AMPH: variants seen among roughly 807,000 people sequenced by gnomAD.
AMPH encodes the protein amphiphysin, also known as amphiphysin (Stiff-Mann syndrome with breast cancer 128kD autoantigen).
AMPH carries 49 observed loss-of-function variants against 99.1 expected under a neutral mutation model. The observed-to-expected ratio is 0.49, with a 90% confidence interval of 0.39 to 0.63. The LOEUF is 0.63. Among genes scored for constraint, AMPH ranks in the 20% least tolerant of loss-of-function variants. The pLI is 0.00. For synonymous variants in AMPH, 314 were observed against 317.3 expected, an observed-to-expected ratio of 0.99 and a Z score of 0.11; for missense variants, 759 against 863.4, an observed-to-expected ratio of 0.88 and a Z score of 1.52.
chr7:38,602,933 C>T (rs1056462111), intron 1 of AMPH, among the ~76,000 whole-genome samples: 1 of 152,046 alleles, frequency 6.6e-6, no homozygotes, highest in Non-Finnish European at 1.5e-5. Flanking sequence ...AGTCAATATC[C>T]CGGCCCAATG....
intron 2 of AMPH, among the ~76,000 whole-genome samples, chr7:38,513,722 T>C (rs1477012870): frequency 1.3e-5 from 2 of 152,180 alleles, no homozygotes; most frequent in African/African-American, 4.8e-5. Context: ...GATAAAGATT[T>C]GTGTATAGGG....
chr7:38,490,911 C>T (rs1415334938), intron 5 of AMPH, 139 bp downstream of exon 5: 1 of 574,076 alleles, frequency 1.7e-6, no homozygotes, highest in Non-Finnish European at 3.1e-6. Context: ...ACATAAAAAT[C>T]CCACGCTTAA....
At chr7:38,422,346 G>T in intron 16 of AMPH, 75 bp downstream of exon 16, 2 of 1,248,594 alleles carry the variant, frequency 1.6e-6, no homozygotes, top group Non-Finnish European at 2.3e-6. Context: ...ACTCTAGACA[G>T]CCTAGAATGA....
At position 38,513,117 on chromosome 7, in the gene AMPH, G is replaced by A. The variant is rs1010762973; in HGVS notation, c.151-9413C>T. On this transcript the variant is annotated intron_variant, in intron 2 of 20. Transcript: ENST00000356264. ...GTCAATTTTATTGGCAATCATAGCC[G>A]TTTATACTTATATTTTAAAAACTTT... Among the ~76,000 whole-genome samples, 14 of 152,246 alleles carry A rather than the reference G, an allele frequency of 9.2e-5. No homozygotes were observed. The East Asian group carries it at 1.2e-3, about 13-fold the overall frequency.
chr7:38,548,597 C>T (rs1280480060), intron 1 of AMPH, among the ~76,000 whole-genome samples: 1 of 151,982 alleles, frequency 6.6e-6, no homozygotes, highest in East Asian at 1.9e-4. Context: ...TATGAACACA[C>T]AAGGAGTGAG....
intron 1 of AMPH, among the ~76,000 whole-genome samples, chr7:38,549,222 A>G (rs1174890963): frequency 6.6e-6 from 1 of 152,244 alleles, no homozygotes; most frequent in Non-Finnish European, 1.5e-5. Context: ...AATGACTGCA[A>G]GACTTATCAC....
At chr7:38,398,188 A>C (rs576478921) in intron 17 of AMPH, among the ~76,000 whole-genome samples, 2 of 150,730 alleles carry the variant, frequency 1.3e-5, no homozygotes, top group South Asian at 4.2e-4. Flanking sequence ...TACTCAAAAA[A>C]AAAAAAACAA....
At chr7:38,449,282 C>T (rs534729426) in intron 11 of AMPH, among the ~76,000 whole-genome samples, 7 of 152,294 alleles carry the variant, frequency 4.6e-5, no homozygotes, top group African/African-American at 9.6e-5. Flanking sequence ...TGCTCTCTTT[C>T]GGGTGCTTAC....
At chr7:38,424,076 G>T (rs951934519) in intron 15 of AMPH, among the ~76,000 whole-genome samples, 1 of 152,084 alleles carries the variant, frequency 6.6e-6, no homozygotes, top group Admixed American at 6.5e-5. Flanking sequence ...TCACAGACAG[G>T]AGACAAAATA....
chr7:38,422,806 G>C (rs905409907), intron 15 of AMPH, among the ~76,000 whole-genome samples: 4 of 152,064 alleles, frequency 2.6e-5, no homozygotes, highest in Non-Finnish European at 4.4e-5. Flanking sequence ...TTTTTGTATA[G>C]ACAGCGTTTC....
intron 3 of AMPH, among the ~76,000 whole-genome samples, chr7:38,500,227 A>G (rs934018215): frequency 9.2e-5 from 14 of 152,208 alleles, no homozygotes; most frequent in Admixed American, 7.2e-4. Flanking sequence ...TTCTGAGTTG[A>G]CTTTAGCATA....
intron 3 of AMPH, among the ~76,000 whole-genome samples, chr7:38,496,827 T>A (rs1226619725): frequency 2.0e-5 from 3 of 152,298 alleles, no homozygotes; most frequent in South Asian, 4.1e-4. Context: ...TTAAGTCTGA[T>A]GGAAACTATA....
intron 17 of AMPH, among the ~76,000 whole-genome samples, chr7:38,415,952 G>A (rs1476235249): frequency 1.3e-5 from 2 of 151,484 alleles, no homozygotes; most frequent in Non-Finnish European, 2.9e-5. Context: ...TGAGCTTCAG[G>A]AGAAAAGGTA....
At chr7:38,559,744 G>A (rs980647669) in intron 1 of AMPH, among the ~76,000 whole-genome samples, 6 of 152,132 alleles carry the variant, frequency 3.9e-5, no homozygotes, top group Non-Finnish European at 7.4e-5. Flanking sequence ...GCCTAATGTC[G>A]CATAATTAGT....
At chr7:38,403,631 C>T (rs1784902521) in intron 17 of AMPH, among the ~76,000 whole-genome samples, 1 of 152,240 alleles carries the variant, frequency 6.6e-6, no homozygotes, top group Non-Finnish European at 1.5e-5. Context: ...GCTCTGGGTA[C>T]TCCAGAGAGC....
intron 1 of AMPH, among the ~76,000 whole-genome samples, chr7:38,607,273 T>C (rs1034550477): frequency 6.6e-6 from 1 of 152,218 alleles, no homozygotes; most frequent in Non-Finnish European, 1.5e-5. Flanking sequence ...CAAATATTCA[T>C]AGAAGATCCA....
intron 2 of AMPH, among the ~76,000 whole-genome samples, chr7:38,524,351 G>T (rs1362860369): frequency 6.6e-6 from 1 of 152,152 alleles, no homozygotes; most frequent in Non-Finnish European, 1.5e-5. Context: ...CCCTGGATTG[G>T]ATACAGGCCC....
chr7:38,510,434 T>C (rs995516236), intron 2 of AMPH, among the ~76,000 whole-genome samples: 9 of 152,152 alleles, frequency 5.9e-5, no homozygotes, highest in Non-Finnish European at 1.2e-4. Context: ...ATTCAGTCCA[T>C]GATGTAACAA....
At chr7:38,557,113 G>A (rs558028286) in intron 1 of AMPH, among the ~76,000 whole-genome samples, 1 of 152,120 alleles carries the variant, frequency 6.6e-6, no homozygotes, top group East Asian at 1.9e-4. Flanking sequence ...ATTTGGGGTG[G>A]GAAACAAGGG....
Sources: allele counts gnomAD v4.1 joint callset (sites outside exome capture counted in the v4.1 genomes callset), GRCh38; gene constraint gnomAD v4.1.1; transcripts MANE v1.5; gene names NCBI Gene and HGNC (gene_info 2026-07-23, HGNC 2026-07-21).